CA10: variants seen among roughly 807,000 people sequenced by gnomAD.
CA10 encodes carbonic anhydrase-related protein 10.
In CA10, 14 loss-of-function variants were observed where a neutral mutation model predicts 44.2. That is an observed-to-expected ratio of 0.32 (90% CI 0.21 to 0.50). The LOEUF is 0.50. Among genes scored for constraint, CA10 ranks in the 20% least tolerant of loss-of-function variants. The pLI is 0.99. For synonymous variants in CA10, 159 were observed against 141.6 expected (o/e 1.12, Z -0.87); for missense variants, 350 against 409.7 (o/e 0.85, Z 1.26).
At chr17:51,889,044 C>A (rs572126391) in intron 3 of CA10, among the ~76,000 whole-genome samples, 1 of 152,266 alleles carries the variant, frequency 6.6e-6, no homozygotes, top group Non-Finnish European at 1.5e-5. Flanking sequence ...ATCAGAATAA[C>A]AACACATGGC....
intron 2 of CA10, among the ~76,000 whole-genome samples, chr17:52,018,693 G>A (rs750463140): frequency 4.6e-5 from 7 of 152,098 alleles, no homozygotes; most frequent in Admixed American, 1.3e-4. Flanking sequence ...GCTGGAATGA[G>A]TTAAGATTTT....
chr17:51,730,424 G>C (rs1338975334), intron 4 of CA10, among the ~76,000 whole-genome samples: 1 of 151,974 alleles, frequency 6.6e-6, no homozygotes, highest in Admixed American at 6.6e-5. Context: ...ACACTTTTTG[G>C]GCATTATTTC....
Position 51,961,285 on chromosome 17 carries a change from T to C in CA10, c.137-30153A>G, listed in dbSNP as rs111704188. On this transcript the variant is annotated intron_variant, in intron 2 of 8. Transcript: ENST00000451037. Reference sequence around the variant, plus strand: ...TCATATTAAAATTTCTGTAATGCATTTAAAGCTTTAGAGAAAAAAGTTGTA... The same window carrying C: ...TCATATTAAAATTTCTGTAATGCATCTAAAGCTTTAGAGAAAAAAGTTGTA... Among the ~76,000 whole-genome samples, 730 of 151,712 alleles carry C rather than the reference T, an allele frequency of 4.8e-3. 1 individual carries two copies. The highest frequency in any genetic ancestry group is 8.0e-3 in the Non-Finnish European group (542 of 67,938).
At chr17:52,038,562 A>T (rs1188421648) in intron 2 of CA10, among the ~76,000 whole-genome samples, 1 of 152,188 alleles carries the variant, frequency 6.6e-6, no homozygotes, top group Non-Finnish European at 1.5e-5. Context: ...GATCTAGTAA[A>T]TGGCATCTGT....
chr17:52,082,530 T>G (rs1598205556), intron 1 of CA10, among the ~76,000 whole-genome samples: 1 of 152,336 alleles, frequency 6.6e-6, no homozygotes, highest in East Asian at 1.9e-4. Context: ...AATACTGCAC[T>G]TAACCTTCTC....
intron 4 of CA10, among the ~76,000 whole-genome samples, chr17:51,746,779 C>T (rs543140559): frequency 3.3e-5 from 5 of 152,286 alleles, no homozygotes; most frequent in Admixed American, 2.0e-4. Context: ...TTTCTTAGTG[C>T]TTGGCCTTAA....
intron 3 of CA10, among the ~76,000 whole-genome samples, chr17:51,924,516 C>T (rs1379117443): frequency 1.3e-5 from 2 of 152,174 alleles, no homozygotes; most frequent in African/African-American, 2.4e-5. Flanking sequence ...TGTTGGATGT[C>T]TTCCGATCGT....
chr17:51,820,470 T>C (rs1216839180), intron 3 of CA10, among the ~76,000 whole-genome samples: 2 of 135,614 alleles, frequency 1.5e-5, no homozygotes, highest in Non-Finnish European at 3.1e-5. Context: ...ACCTGTTCTC[T>C]CTTTCTATCA....
intron 3 of CA10, among the ~76,000 whole-genome samples, chr17:51,811,229 C>T (rs1391045557): frequency 6.6e-6 from 1 of 151,272 alleles, no homozygotes; most frequent in African/African-American, 2.4e-5. Flanking sequence ...AAACAAAAAG[C>T]ATGAACATCA....
At position 52,000,666 on chromosome 17, in the gene CA10, T is replaced by C. The variant is rs531221774; in HGVS notation, c.137-69534A>G. ...GGTACAACAAGGACCAATAATCAAA[T>C]TCACTGAAATAATGATAGAGCTGAT... On this transcript the variant is annotated intron_variant, in intron 2 of 8. Transcript: ENST00000451037. Among the ~76,000 whole-genome samples the C allele has an allele frequency of 2.6e-5, 4 of 152,058 alleles. No homozygotes were observed. The South Asian group carries it at 8.3e-4, about 32-fold the overall frequency.
chr17:51,752,610 C>T (rs960216098), intron 3 of CA10, among the ~76,000 whole-genome samples: 1 of 151,938 alleles, frequency 6.6e-6, no homozygotes, highest in African/African-American at 2.4e-5. Context: ...ATGCAAGTGT[C>T]CTTGCTCATT....
chr17:51,901,028 C>A (rs918214666), intron 3 of CA10, among the ~76,000 whole-genome samples: 1 of 152,132 alleles, frequency 6.6e-6, no homozygotes, highest in Non-Finnish European at 1.5e-5. Context: ...CCATTTCAGC[C>A]TGGTTAAAAA....
intron 4 of CA10, among the ~76,000 whole-genome samples, chr17:51,696,862 T>C (rs1915420092): frequency 6.6e-6 from 1 of 152,186 alleles, no homozygotes; most frequent in Admixed American, 6.5e-5. Context: ...AAAACAAACA[T>C]ATAGTTGCAT....
chr17:51,853,838 G>A (rs1978914204), intron 3 of CA10, among the ~76,000 whole-genome samples: 1 of 152,090 alleles, frequency 6.6e-6, no homozygotes, highest in South Asian at 2.1e-4. Flanking sequence ...CTGCTGCCTT[G>A]CGAAGAAGGT....
At chr17:51,987,733 C>T (rs1984893508) in intron 2 of CA10, among the ~76,000 whole-genome samples, 1 of 151,770 alleles carries the variant, frequency 6.6e-6, no homozygotes, top group Admixed American at 6.6e-5. Context: ...AATAACAACT[C>T]AAAATAGATA....
intron 4 of CA10, among the ~76,000 whole-genome samples, chr17:51,670,067 T>C (rs940505842): frequency 1.3e-5 from 2 of 152,240 alleles, no homozygotes; most frequent in African/African-American, 4.8e-5. Flanking sequence ...ATGTAAGATG[T>C]TCCCTTTGCT....
chr17:52,032,527 A>T (rs1303251841), intron 2 of CA10, among the ~76,000 whole-genome samples: 1 of 152,138 alleles, frequency 6.6e-6, no homozygotes, highest in African/African-American at 2.4e-5. Context: ...TCTTCATGGT[A>T]CCTTCCTCTT....
intron 4 of CA10, among the ~76,000 whole-genome samples, chr17:51,728,128 G>A (rs117605788): frequency 1.3e-5 from 2 of 152,272 alleles, no homozygotes; most frequent in East Asian, 3.9e-4. Context: ...CTGGGCTCAA[G>A]TGATCCCTGC....
intron 1 of CA10, among the ~76,000 whole-genome samples, chr17:52,098,032 G>A (rs1340608652): frequency 1.3e-5 from 2 of 152,150 alleles, no homozygotes; most frequent in African/African-American, 2.4e-5. Context: ...CAGGGTGTGG[G>A]AGATACACCA....
Sources: allele counts gnomAD v4.1 joint callset (sites outside exome capture counted in the v4.1 genomes callset), GRCh38; gene constraint gnomAD v4.1.1; transcripts MANE v1.5; gene names NCBI Gene and HGNC (gene_info 2026-07-23, HGNC 2026-07-21).